Variants in FAM13C observed in about 807,000 individuals in gnomAD.
The protein encoded by FAM13C is family with sequence similarity 13 member C, also known as protein FAM13C.
FAM13C carries 37 observed loss-of-function variants against 73.2 expected under a neutral mutation model. That is an observed-to-expected ratio of 0.51 (90% CI 0.39 to 0.67). The LOEUF (loss-of-function observed/expected upper bound fraction) is 0.67, where lower values mean the gene tolerates loss of function less well. Among genes scored for constraint, FAM13C ranks in the 30% least tolerant of loss-of-function variants. The pLI is 0.00. For synonymous variants in FAM13C, 246 were observed against 260.9 expected, an observed-to-expected ratio of 0.94 and a Z score of 0.55; for missense variants, 589 against 715.6, an observed-to-expected ratio of 0.82 and a Z score of 2.02.
intron 1 of FAM13C, among the ~76,000 whole-genome samples, chr10:59,360,532 T>C (rs548723354): frequency 2.5e-4 from 38 of 152,280 alleles, no homozygotes; most frequent in African/African-American, 9.1e-4. Flanking sequence ...CTGAGGGCTA[T>C]GGGGTCATGC....
intron 13 of FAM13C, among the ~76,000 whole-genome samples, chr10:59,249,982 T>G (rs1490726637): frequency 6.6e-6 from 1 of 152,208 alleles, no homozygotes; most frequent in Admixed American, 6.5e-5. Flanking sequence ...TTACGATAGA[T>G]TCCTGAGTTC....
At chr10:59,314,610 T>C (rs1849309981) in intron 4 of FAM13C, among the ~76,000 whole-genome samples, 1 of 152,300 alleles carries the variant, frequency 6.6e-6, no homozygotes, top group East Asian at 1.9e-4. Flanking sequence ...GTGTTGGTGC[T>C]AAACTTAAGG....
intron 4 of FAM13C, among the ~76,000 whole-genome samples, chr10:59,321,373 A>G (rs1322582211): frequency 1.4e-5 from 2 of 145,058 alleles, no homozygotes; most frequent in Non-Finnish European, 3.0e-5. Context: ...TGGAAAAGGT[A>G]TGGAAATGGA....
At chr10:59,314,673 C>A (rs1436058382) in intron 4 of FAM13C, among the ~76,000 whole-genome samples, 1 of 152,080 alleles carries the variant, frequency 6.6e-6, no homozygotes, top group East Asian at 1.9e-4. Context: ...CCTTCTCAAT[C>A]TTTCTCCCCT....
At chr10:59,339,824 G>C (rs949966214) in intron 3 of FAM13C, among the ~76,000 whole-genome samples, 3 of 152,140 alleles carry the variant, frequency 2.0e-5, no homozygotes, top group African/African-American at 7.2e-5. Context: ...ATATAACAGA[G>C]GTCCCAGCAT....
intron 4 of FAM13C, among the ~76,000 whole-genome samples, chr10:59,313,363 C>T (rs1040720204): frequency 2.0e-5 from 3 of 152,182 alleles, no homozygotes; most frequent in South Asian, 4.1e-4. Flanking sequence ...GAAACAACCA[C>T]TTGTCATGCA....
intron 6 of FAM13C, 74 bp from the exon 7 acceptor site, chr10:59,270,183 A>T (rs1843551177): frequency 4.2e-6 from 6 of 1,422,094 alleles, no homozygotes; most frequent in South Asian, 2.6e-5. Flanking sequence ...CTAAATAAAG[A>T]TCATAAGCAT....
At chr10:59,341,911 C>T (rs904914223) in intron 3 of FAM13C, among the ~76,000 whole-genome samples, 4 of 152,280 alleles carry the variant, frequency 2.6e-5, no homozygotes, top group South Asian at 2.1e-4. Flanking sequence ...GTTAATTTAT[C>T]CTCACCTGTG....
chr10:59,280,731 C>T (rs1047269627), intron 6 of FAM13C, among the ~76,000 whole-genome samples: 1 of 152,146 alleles, frequency 6.6e-6, no homozygotes, highest in Non-Finnish European at 1.5e-5. Flanking sequence ...CCATGAAATG[C>T]GTTCTTGCTG....
chr10:59,283,770 G>A (rs557247911), intron 5 of FAM13C: 9 of 517,926 alleles, frequency 1.7e-5, no homozygotes, highest in South Asian at 9.9e-5. Flanking sequence ...AGCAAGAGAC[G>A]CTGCATCTGG....
chr10:59,344,755 G>A (rs1247513222), intron 3 of FAM13C, among the ~76,000 whole-genome samples: 1 of 152,138 alleles, frequency 6.6e-6, no homozygotes, highest in Non-Finnish European at 1.5e-5. Flanking sequence ...GTAGCAGAAG[G>A]AATTTGAACT....
intron 3 of FAM13C, among the ~76,000 whole-genome samples, chr10:59,327,135 C>T (rs576270042): frequency 2.0e-5 from 3 of 151,806 alleles, no homozygotes; most frequent in Non-Finnish European, 4.4e-5. Flanking sequence ...TGGCATGTAA[C>T]AACACAAGAC....
chr10:59,347,964 T>C (rs1854534470), intron 3 of FAM13C, among the ~76,000 whole-genome samples: 1 of 152,204 alleles, frequency 6.6e-6, no homozygotes, highest in Non-Finnish European at 1.5e-5. Flanking sequence ...TCTTTGCTAT[T>C]GTGAATAGTG....
At chr10:59,268,969 C>T (rs935390414) in intron 7 of FAM13C, among the ~76,000 whole-genome samples, 6 of 152,114 alleles carry the variant, frequency 3.9e-5, no homozygotes, top group Admixed American at 1.3e-4. Context: ...ATTTAAGACT[C>T]GAAAGAGACA....
At position 59,266,228 on chromosome 10, in the gene FAM13C, G is replaced by A. The variant is rs556555379; in HGVS notation, c.943-2062C>T. Among the ~76,000 whole-genome samples the A allele has an allele frequency of 3.2e-4, 49 of 152,276 alleles. No homozygotes were observed. In the South Asian group the frequency reaches 8.7e-3, roughly 27 times the overall value. ...TTCCCTGATTCCACTGAAGGTAGAC[G>A]TGTGGCTGACGCAGCCTTTTCTTAG... On this transcript the variant is annotated intron_variant, in intron 8 of 13. Coordinates refer to ENST00000618804, the MANE Select transcript of FAM13C (RefSeq NM_198215.4).
intron 3 of FAM13C, among the ~76,000 whole-genome samples, chr10:59,343,591 C>T (rs1487714107): frequency 2.0e-5 from 3 of 152,090 alleles, no homozygotes; most frequent in Non-Finnish European, 2.9e-5. Context: ...CAGCTCTGGA[C>T]AATTAGTAGA....
chr10:59,360,295 C>A (rs1457451849), intron 1 of FAM13C, among the ~76,000 whole-genome samples: 2 of 152,170 alleles, frequency 1.3e-5, no homozygotes, highest in Non-Finnish European at 2.9e-5. Context: ...CTACCAGAGG[C>A]CTTCATCCAA....
Position 59,247,335 on chromosome 10 carries a change from A to C in FAM13C, c.*279T>G, listed in dbSNP as rs545269673. 1 of 361,784 alleles carries C rather than the reference A, an allele frequency of 2.8e-6. No homozygotes were observed. Among genetic ancestry groups the C allele is most frequent in the East Asian group, 6.6e-5 (1 of 15,048 alleles). The allele number at this position is 361,784 out of a possible 1,614,324, so 22.4% of individuals were successfully genotyped here. A position where few individuals can be genotyped will look rare whatever the true frequency, so the allele number is the denominator to read the frequency against. The stretch of plus-strand genomic sequence containing the variant: ...TTATTTAGATTTGATAAAATATTAG[A>C]CATTTTTAAAAATACTTGTATTGAC... On this transcript the variant is annotated 3_prime_UTR_variant, in exon 14 of 14. Transcript: ENST00000618804.
intron 1 of FAM13C, among the ~76,000 whole-genome samples, chr10:59,361,354 C>G (rs1564636527): frequency 6.6e-6 from 1 of 152,128 alleles, no homozygotes; most frequent in Non-Finnish European, 1.5e-5. Context: ...CTCACCAAGT[C>G]ATTGTGATAG....
Sources: allele counts gnomAD v4.1 joint callset (sites outside exome capture counted in the v4.1 genomes callset), GRCh38; gene constraint gnomAD v4.1.1; transcripts MANE v1.5; gene names NCBI Gene and HGNC (gene_info 2026-07-23, HGNC 2026-07-21).